Variants in ADAMTS3 observed in about 807,000 individuals in gnomAD.
ADAMTS3 encodes ADAM metallopeptidase with thrombospondin type 1 motif 3.
In ADAMTS3, 73 loss-of-function variants were observed where a neutral mutation model predicts 129.0. That is an observed-to-expected ratio of 0.57 (90% CI 0.47 to 0.69). The LOEUF is 0.69. Among genes scored for constraint, ADAMTS3 ranks in the 30% least tolerant of loss-of-function variants. The probability of loss-of-function intolerance (pLI) is 0.00; values close to 1 mark genes in which losing one functional copy is unlikely to be tolerated. For synonymous variants in ADAMTS3, 477 were observed against 510.8 expected (o/e 0.93, Z 0.89); for missense variants, 1,457 against 1,514.5 (o/e 0.96, Z 0.63).
chr4:72,313,715 A>T lies in ADAMTS3; in HGVS notation c.1707T>A (p.Thr569=). 1 of 1,613,786 alleles carries T rather than the reference A, an allele frequency of 6.2e-7. No homozygotes were observed. Among genetic ancestry groups the T allele is most frequent in the Non-Finnish European group, 8.5e-7 (1 of 1,179,848 alleles). ...KFGSCSRTCG[T]GVRFRTRQCN... ...ACTGGCGTGTTCTGAAACGAACACC[A>T]GTTCCACATGTCCGAGAACAGGAGC... Residue 569 remains threonine, a synonymous_variant, in exon 12 of 22, where the codon ACT becomes ACA. Transcript: ENST00000286657.
chr4:72,425,482 C>T (rs904668766), intron 3 of ADAMTS3, among the ~76,000 whole-genome samples: 1 of 152,096 alleles, frequency 6.6e-6, no homozygotes, highest in South Asian at 2.1e-4. Context: ...TATCCCTCCC[C>T]CTTCCCCTTA....
At chr4:72,519,814 G>A (rs1267680051) in intron 3 of ADAMTS3, among the ~76,000 whole-genome samples, 20 of 152,132 alleles carry the variant, frequency 1.3e-4, no homozygotes, top group African/African-American at 2.2e-4. Context: ...TAGTTTGTTC[G>A]TCTGAAGCCT....
Position 72,309,645 on chromosome 4 carries a change from C to T in ADAMTS3, c.2056-125G>A, listed in dbSNP as rs113829305. 1.2e-3 allele frequency: 1,214 copies of T among 1,007,900 alleles called. 12 individuals are homozygous for T. The African/African-American group carries it at 0.018, about 15-fold the overall frequency. The allele number at this position is 1,007,900 out of a possible 1,614,324, so 62.4% of individuals were successfully genotyped here. Reference sequence around the variant, plus strand: ...TCAGCCAATTTATAGCAAACTGCCACTGTAGTCATAATTTTTAATACCTCA... The same window carrying T: ...TCAGCCAATTTATAGCAAACTGCCATTGTAGTCATAATTTTTAATACCTCA... On this transcript the variant is annotated intron_variant, in intron 14 of 21. Transcript: ENST00000286657.
chr4:72,450,369 C>A (rs1369825329), intron 3 of ADAMTS3, among the ~76,000 whole-genome samples: 1 of 151,690 alleles, frequency 6.6e-6, no homozygotes, highest in African/African-American at 2.4e-5. Context: ...GCATGCAAGG[C>A]ACCCCTCTGC....
chr4:72,548,131 A>G (rs1721511186), intron 3 of ADAMTS3, among the ~76,000 whole-genome samples: 1 of 152,172 alleles, frequency 6.6e-6, no homozygotes, highest in Non-Finnish European at 1.5e-5. Context: ...ATTTTGAAGG[A>G]ATCTATGCTT....
chr4:72,551,553 T>A (rs1036192671), intron 2 of ADAMTS3, among the ~76,000 whole-genome samples: 1 of 152,304 alleles, frequency 6.6e-6, no homozygotes, highest in African/African-American at 2.4e-5. Context: ...AAGATACGAT[T>A]GGCAACCCTT....
intron 3 of ADAMTS3, among the ~76,000 whole-genome samples, chr4:72,450,965 C>CA (rs57756087): frequency 1.4e-5 from 1 of 73,086 alleles, no homozygotes; most frequent in Non-Finnish European, 3.0e-5. Context: ...GGCAGGCAGG[C>CA]AAAAAGAAGA....
At chr4:72,289,474 G>C (rs886337971) in intron 20 of ADAMTS3, among the ~76,000 whole-genome samples, 6 of 152,154 alleles carry the variant, frequency 3.9e-5, no homozygotes, top group African/African-American at 1.4e-4. Flanking sequence ...CTAAAACTAA[G>C]CTCAGAAAGT....
In ADAMTS3 at chr4:72,394,962, G is replaced by A. The variant is rs556964053; in HGVS notation, c.661+19853C>T. On this transcript the variant is annotated intron_variant, in intron 4 of 21. Coordinates refer to ENST00000286657, the MANE Select transcript of ADAMTS3 (RefSeq NM_014243.3). ...TTTTTGGAGATGGAGTTTCACTCTT[G>A]TTGCCCAGGCTGAGTGCAGTGGCAC... Among the ~76,000 whole-genome samples the A allele has an allele frequency of 1.0e-4, 15 of 147,678 alleles. No individual in the cohort carries two copies. In the East Asian group the frequency reaches 2.6e-3, roughly 25 times the overall value.
At chr4:72,553,323 C>A (rs1340105367) in intron 2 of ADAMTS3, among the ~76,000 whole-genome samples, 1 of 152,118 alleles carries the variant, frequency 6.6e-6, no homozygotes, top group Non-Finnish European at 1.5e-5. Context: ...TTAAAACAGA[C>A]CTCCTGTAAG....
At chr4:72,354,271 AC>A (rs1223811144) in intron 4 of ADAMTS3, among the ~76,000 whole-genome samples, 5 of 151,626 alleles carry the variant, frequency 3.3e-5, no homozygotes, top group Non-Finnish European at 7.4e-5. Context: ...ATTCCTCCCA[AC>A]CCCTCTCCAG....
rs750908761 is a variant in ADAMTS3 at position 72,315,932 on chromosome 4, G to A, written c.1525C>T (p.His509Tyr). ...FDPCKQLWCS[H>Y]PDNPYFCKTK... Reference sequence around the variant, plus strand: ...TTACAAAAGTAGGGATTATCAGGATGGCTACACCACAGCTGTTTACATGGG... The same window carrying A: ...TTACAAAAGTAGGGATTATCAGGATAGCTACACCACAGCTGTTTACATGGG... The change falls in exon 11 of 22, where the codon CAT becomes TAT. Residue 509 changes from histidine (H) to tyrosine (Y), a missense_variant. Transcript: ENST00000286657. 8.1e-6 allele frequency: 13 copies of A among 1,613,286 alleles called. No individual in the cohort carries two copies. In the African/African-American group the frequency reaches 1.5e-4, roughly 18 times the overall value.
chr4:72,516,665 G>C (rs9715460), intron 3 of ADAMTS3, among the ~76,000 whole-genome samples: 51,724 of 151,910 alleles, frequency 0.34, 9,584 homozygotes, highest in South Asian at 0.55. Flanking sequence ...AAGAATGCTT[G>C]TGATTTTTGT....
intron 3 of ADAMTS3, among the ~76,000 whole-genome samples, chr4:72,516,167 G>C (rs1284854647): frequency 6.6e-6 from 1 of 152,114 alleles, no homozygotes; most frequent in African/African-American, 2.4e-5. Context: ...CATTATTTCT[G>C]AGGGCTCTGT....
At chr4:72,492,807 G>A (rs941044217) in intron 3 of ADAMTS3, among the ~76,000 whole-genome samples, 3 of 151,744 alleles carry the variant, frequency 2.0e-5, no homozygotes, top group Non-Finnish European at 3.0e-5. Flanking sequence ...TGGTACTAAA[G>A]TCCCCAAGTG....
intron 3 of ADAMTS3, among the ~76,000 whole-genome samples, chr4:72,475,835 C>G (rs1008368080): frequency 2.0e-5 from 3 of 151,432 alleles, no homozygotes; most frequent in Non-Finnish European, 3.0e-5. Context: ...CTAAAAATAA[C>G]AGGAATGTCC....
chr4:72,444,195 T>C (rs1461667899), intron 3 of ADAMTS3, among the ~76,000 whole-genome samples: 1 of 151,716 alleles, frequency 6.6e-6, no homozygotes, highest in Non-Finnish European at 1.5e-5. Context: ...AGACAGTTCC[T>C]TCTCCTATTC....
At chr4:72,301,815 T>A (rs1050595997) in intron 17 of ADAMTS3, among the ~76,000 whole-genome samples, 5 of 152,044 alleles carry the variant, frequency 3.3e-5, no homozygotes, top group Non-Finnish European at 7.4e-5. Flanking sequence ...GTTCTGGACC[T>A]GGAGCTAGAT....
At chr4:72,339,414 C>A in intron 5 of ADAMTS3, 80 bp downstream of exon 5, 1 of 1,415,396 alleles carries the variant, frequency 7.1e-7, no homozygotes, top group South Asian at 1.2e-5. Context: ...GAAGTTCTCA[C>A]ACAGATTGCC....
Sources: allele counts gnomAD v4.1 joint callset (sites outside exome capture counted in the v4.1 genomes callset), GRCh38; gene constraint gnomAD v4.1.1; transcripts MANE v1.5; gene names NCBI Gene and HGNC (gene_info 2026-07-23, HGNC 2026-07-21).